Variants in TANGO6 observed in about 807,000 individuals in gnomAD.
TANGO6 encodes transport and golgi organization 6 homolog.
A neutral mutation model predicts 114.2 loss-of-function variants in TANGO6; 90 were observed. That is an observed-to-expected ratio of 0.79 (90% CI 0.66 to 0.94). The LOEUF (loss-of-function observed/expected upper bound fraction) is 0.94. TANGO6 is among the 40% of genes least tolerant of loss of function. The probability of loss-of-function intolerance (pLI) is 0.00; values close to 1 mark genes in which losing one functional copy is unlikely to be tolerated. For missense variants in TANGO6, 1,274 were observed against 1,315.3 expected (o/e 0.97, Z 0.49); for synonymous variants, 477 against 509.8 (o/e 0.94, Z 0.87).
chr16:68,954,917 T>C (rs1394730562), intron 14 of TANGO6, among the ~76,000 whole-genome samples: 2 of 152,206 alleles, frequency 1.3e-5, no homozygotes, highest in Non-Finnish European at 2.9e-5. Flanking sequence ...TTTATATTTT[T>C]CATGTTTTCT....
Position 68,867,708 on chromosome 16 carries a change from G to A in TANGO6, c.994+488G>A, listed in dbSNP as rs62055802. On this transcript the variant is annotated intron_variant, in intron 4 of 17. Transcript: ENST00000261778. ...ACAAAAATTAGCCTGGCATGGCGGC[G>A]GGCGCCTAACCCCAGCTACTTGGGA... 6.7e-3 allele frequency: 1,036 copies of A among 153,654 alleles called. 6 individuals are homozygous for A. Among genetic ancestry groups the A allele is most frequent in the Middle Eastern group, 0.013 (4 of 298 alleles). 9.5% of individuals were successfully genotyped at this position (153,654 alleles called of 1,614,324 possible). A position where few individuals can be genotyped will look rare whatever the true frequency, so the allele number is the denominator to read the frequency against.
At chr16:68,995,542 A>G (rs1382025035) in intron 15 of TANGO6, among the ~76,000 whole-genome samples, 1 of 152,206 alleles carries the variant, frequency 6.6e-6, no homozygotes, top group Non-Finnish European at 1.5e-5. Flanking sequence ...TGGTTAGGAA[A>G]TCGGAAGTGT....
intron 7 of TANGO6, among the ~76,000 whole-genome samples, chr16:68,884,564 G>A (rs80241097): frequency 0.055 from 8,405 of 152,226 alleles, 291 homozygotes; most frequent in Middle Eastern, 0.11. Flanking sequence ...CTAAGAAATA[G>A]CATGATGAAA....
chr16:68,895,192 A>G (rs1019358789), intron 7 of TANGO6, among the ~76,000 whole-genome samples: 2 of 152,160 alleles, frequency 1.3e-5, no homozygotes, highest in Non-Finnish European at 2.9e-5. Context: ...TCATAAAAGC[A>G]GTAACAATTA....
Position 68,958,291 on chromosome 16 carries a change from G to A in TANGO6, c.2702-15737G>A, listed in dbSNP as rs376767857. On this transcript the variant is annotated intron_variant, in intron 14 of 17. Coordinates refer to ENST00000261778, the MANE Select transcript of TANGO6 (RefSeq NM_024562.2). ...GCAAATCACCTAAGGTCAGGAGTTC[G>A]AGACCAGCCTCAACATGGAGAAACC... is the stretch of plus-strand genomic sequence containing the variant. Among the ~76,000 whole-genome samples the A allele has an allele frequency of 1.3e-4, 20 of 151,894 alleles. No individual in the cohort carries two copies. In the South Asian group the frequency reaches 3.8e-3, roughly 29 times the overall value.
At chr16:68,844,738 C>T (rs1474417709) in intron 1 of TANGO6, among the ~76,000 whole-genome samples, 2 of 152,120 alleles carry the variant, frequency 1.3e-5, no homozygotes, top group South Asian at 2.1e-4. Flanking sequence ...ATCCTCATTA[C>T]GATCCCCTGG....
chr16:68,865,059 C>G (rs867839656), intron 3 of TANGO6, among the ~76,000 whole-genome samples: 2 of 151,060 alleles, frequency 1.3e-5, no homozygotes, highest in African/African-American at 4.9e-5. Flanking sequence ...GGGTGGATCA[C>G]GAGGTCAGGA....
intron 7 of TANGO6, among the ~76,000 whole-genome samples, chr16:68,895,009 G>T (rs1404774808): frequency 2.0e-5 from 3 of 152,088 alleles, no homozygotes; most frequent in East Asian, 1.9e-4. Context: ...ATGTGTCTTT[G>T]CTCAACTGAC....
At chr16:69,049,057 A>G (rs1211324254) in intron 17 of TANGO6, among the ~76,000 whole-genome samples, 1 of 152,116 alleles carries the variant, frequency 6.6e-6, no homozygotes, top group Non-Finnish European at 1.5e-5. Context: ...CTTACCTTGT[A>G]TTTCTTGTCA....
At chr16:68,973,725 T>G in intron 14 of TANGO6, 1 of 362,062 alleles carries the variant, frequency 2.8e-6, no homozygotes, top group Non-Finnish European at 5.1e-6. Context: ...AGAGGGAAAT[T>G]ATACAGGAAT....
rs776970986 is a variant in TANGO6 at position 68,867,198 on chromosome 16, G to T, written c.972G>T (p.Arg324=). 6.2e-7 allele frequency: 1 copy of T among 1,613,716 alleles called. No individual in the cohort carries two copies. The highest frequency in any genetic ancestry group is 8.5e-7 in the Non-Finnish European group (1 of 1,179,848). ...CTAATGGTGTTCAGGCAGTAGTCCG[G>T]GGCATTTTGGAAGGAGCAGGTGGTA... is the stretch of plus-strand genomic sequence containing the variant. ...MRPNGVQAVV[R]GILEGAGAGA... is the part of the protein sequence containing the mutation. The change falls in exon 4 of 18, where the codon CGG becomes CGT. Residue 324 remains arginine (R), a synonymous_variant. Coordinates refer to ENST00000261778, the MANE Select transcript of TANGO6 (RefSeq NM_024562.2).
chr16:69,065,119 G>C (rs1960194001), intron 17 of TANGO6, among the ~76,000 whole-genome samples: 1 of 152,200 alleles, frequency 6.6e-6, no homozygotes, highest in South Asian at 2.1e-4. Context: ...GGGCTTGTGG[G>C]GGTGTAGGAA....
intron 14 of TANGO6, among the ~76,000 whole-genome samples, chr16:68,969,514 G>C (rs1422576053): frequency 6.6e-6 from 1 of 151,952 alleles, no homozygotes; most frequent in African/African-American, 2.4e-5. Flanking sequence ...AACTCAAACA[G>C]CCAGCCATTT....
intron 15 of TANGO6, among the ~76,000 whole-genome samples, chr16:69,017,969 T>A (rs1959330953): frequency 6.7e-6 from 1 of 150,126 alleles, no homozygotes; most frequent in Non-Finnish European, 1.5e-5. Flanking sequence ...AATGGCGTGA[T>A]CTCAGCTCAC....
Position 69,000,903 on chromosome 16 carries a change from A to G in TANGO6, c.2843-21925A>G, listed in dbSNP as rs1375025233. ...CACCAAGCCTGACCAATATCCTTTT[A>G]ATTTTAGTCAACTTGCTCCCACACA... On this transcript the variant is annotated intron_variant, in intron 15 of 17. Coordinates refer to ENST00000261778, the MANE Select transcript of TANGO6 (RefSeq NM_024562.2). 1.2e-4 allele frequency among the ~76,000 whole-genome samples: 19 copies of G among 152,160 alleles called. No homozygotes were observed. The East Asian group carries it at 2.9e-3, about 23-fold the overall frequency.
intron 7 of TANGO6, among the ~76,000 whole-genome samples, chr16:68,892,601 G>A (rs61499599): frequency 0.36 from 54,022 of 149,872 alleles, 9,710 homozygotes; most frequent in Middle Eastern, 0.42. Context: ...TGCAACCTCC[G>A]CCTCCTGGGT....
chr16:68,970,331 A>G (rs1963689601), intron 14 of TANGO6, among the ~76,000 whole-genome samples: 1 of 152,194 alleles, frequency 6.6e-6, no homozygotes, highest in African/African-American at 2.4e-5. Flanking sequence ...ACAGAAGTAA[A>G]TGACTGTTCT....
intron 14 of TANGO6, among the ~76,000 whole-genome samples, chr16:68,959,064 G>A (rs148782338): frequency 6.6e-6 from 1 of 152,346 alleles, no homozygotes; most frequent in Non-Finnish European, 1.5e-5. Context: ...ATAACTCCCT[G>A]AAATTATAGG....
chr16:68,845,786 G>A (rs1402478361), intron 1 of TANGO6, among the ~76,000 whole-genome samples: 4 of 152,122 alleles, frequency 2.6e-5, no homozygotes, highest in South Asian at 4.1e-4. Context: ...TCTAGGCTGT[G>A]GTGAACCATG....
Sources: gnomAD v4.1 joint callset for allele counts (sites outside exome capture counted in the v4.1 genomes callset) on GRCh38, gnomAD v4.1.1 for gene constraint, MANE v1.5 for transcripts, NCBI Gene and HGNC (gene_info 2026-07-23, HGNC 2026-07-21) for gene names.